PSMG4: variants seen among roughly 807,000 people sequenced by gnomAD.
The protein encoded by PSMG4 is proteasome (prosome, macropain) assembly chaperone 4.
In PSMG4, 10 loss-of-function variants were observed where a neutral mutation model predicts 11.0. The observed-to-expected ratio is 0.91, with a 90% CI of 0.56 to 1.54. The LOEUF (loss-of-function observed/expected upper bound fraction) is 1.54, where lower values mean the gene tolerates loss of function less well. PSMG4 is among the 40% of genes most tolerant of loss of function. PSMG4 has a pLI of 0.00. For synonymous variants in PSMG4, 95 were observed against 71.3 expected (o/e 1.33, Z -1.68); for missense variants, 198 against 160.9 (o/e 1.23, Z -1.25).
At chr6:3,265,709 A>G (rs1758157379) in intron 2 of PSMG4, 1 of 152,170 alleles carries the variant, frequency 6.6e-6, no homozygotes, top group Non-Finnish European at 1.5e-5. Context: ...ACAGCTAGGA[A>G]AGGATGAGGT....
upstream of PSMG4, among the ~76,000 whole-genome samples, chr6:3,255,669 T>C (rs1361518083): frequency 2.0e-5 from 3 of 152,160 alleles, no homozygotes; most frequent in East Asian, 5.8e-4. Flanking sequence ...GAGCCTTAAG[T>C]GATTTGTATG....
At chr6:3,260,262 A>G (rs1043293038) in intron 1 of PSMG4, among the ~76,000 whole-genome samples, 2 of 137,686 alleles carry the variant, frequency 1.5e-5, no homozygotes, top group African/African-American at 5.5e-5. Context: ...CTCCAGTATA[A>G]CCTTGTCTTA....
chr6:3,267,785 T>C lies in PSMG4; in HGVS notation c.*73T>C. ...TAAATAAATGGATTGAATTTCAGTTTGTCATCAGGCCGCGCTCCCGTTTTG... is the reference window on the plus strand; with the variant it reads ...TAAATAAATGGATTGAATTTCAGTTCGTCATCAGGCCGCGCTCCCGTTTTG... On this transcript the variant is annotated 3_prime_UTR_variant, in exon 3 of 3. Coordinates refer to ENST00000438998, the MANE Select transcript of PSMG4 (RefSeq NM_001128591.2). The C allele has an allele frequency of 6.9e-7, 1 of 1,459,216 alleles. No homozygotes were observed. The highest frequency in any genetic ancestry group is 2.5e-5 in the East Asian group (1 of 39,674). The allele number at this position is 1,459,216 out of a possible 1,614,324, so 90.4% of individuals were successfully genotyped here.
upstream of PSMG4, among the ~76,000 whole-genome samples, chr6:3,255,943 G>A (rs1221176528): frequency 6.6e-6 from 1 of 152,214 alleles, no homozygotes; most frequent in African/African-American, 2.4e-5. Flanking sequence ...ATGTACCTAT[G>A]GCATTATCAC....
chr6:3,257,433 C>T (rs930922830), upstream of PSMG4, among the ~76,000 whole-genome samples: 1 of 152,206 alleles, frequency 6.6e-6, no homozygotes, highest in Admixed American at 6.5e-5. Context: ...CCAGCCAGGC[C>T]TTGAACTCTC....
chr6:3,260,277 G>GTATA (rs70998384), intron 1 of PSMG4, among the ~76,000 whole-genome samples: 1 of 111,536 alleles, frequency 9.0e-6, no homozygotes, highest in Non-Finnish European at 1.6e-5. Context: ...GTCTTAAATT[G>GTATA]TATATATATA....
chr6:3,260,139 A>G (rs1352051290), intron 1 of PSMG4, among the ~76,000 whole-genome samples: 3 of 151,228 alleles, frequency 2.0e-5, no homozygotes, highest in Admixed American at 6.6e-5. Flanking sequence ...GGGTCTCACT[A>G]TTTTGCCCAG....
At chr6:3,259,513 C>T (rs1757892319) in intron 1 of PSMG4, among the ~76,000 whole-genome samples, 1 of 152,266 alleles carries the variant, frequency 6.6e-6, no homozygotes, top group Non-Finnish European at 1.5e-5. Flanking sequence ...CGTAGCTCTC[C>T]TGCCATCTGG....
At chr6:3,266,505 AG>A in intron 2 of PSMG4, 2 of 152,268 alleles carry the variant, frequency 1.3e-5, no homozygotes, top group Middle Eastern at 6.8e-3. Context: ...CGTATGGGTG[AG>A]GCTAAAGGAG....
At chr6:3,255,332 G>A, upstream of PSMG4, 1 of 1,482,084 alleles carries the variant, frequency 6.7e-7, no homozygotes, top group South Asian at 1.4e-5. Flanking sequence ...GGCAACTGGT[G>A]GAGTCATTCT....
At chr6:3,254,794 G>C (rs536826667), upstream of PSMG4, among the ~76,000 whole-genome samples, 9 of 152,058 alleles carry the variant, frequency 5.9e-5, no homozygotes, top group Admixed American at 2.0e-4. Context: ...GAATGCTTGG[G>C]GTCAGAGCAA....
chr6:3,254,663 C>G (rs4997134), upstream of PSMG4, among the ~76,000 whole-genome samples: 112,007 of 151,774 alleles, frequency 0.74, 42,707 homozygotes, highest in Non-Finnish European at 0.84. Context: ...TTTGTTCCTT[C>G]AAGCTGCGAA....
At chr6:3,258,741 G>T (rs533716274), upstream of PSMG4, among the ~76,000 whole-genome samples, 1 of 152,092 alleles carries the variant, frequency 6.6e-6, no homozygotes, top group African/African-American at 2.4e-5. Context: ...CTACTCAAGT[G>T]GGTTTCCCCA....
At chr6:3,256,368 A>AT (rs1338251818), upstream of PSMG4, among the ~76,000 whole-genome samples, 2 of 151,986 alleles carry the variant, frequency 1.3e-5, no homozygotes, top group African/African-American at 2.4e-5. Flanking sequence ...GACTCCCTTT[A>AT]TTTTCTGTTC....
rs869076629 is a variant in PSMG4, at chr6:3,260,291, A to ATTTTTTTTTTTTTTTTT, written c.174+1097_174+1113dup. ...TGTCTTAAATTGTATATATATATAT[A>ATTTTTTTTTTTTTTTTT]TTTTTTTTTTTTTTTTTTGAAGCAA... On this transcript the variant is annotated intron_variant, in intron 1 of 2. Transcript: ENST00000438998. Among the ~76,000 whole-genome samples the ATTTTTTTTTTTTTTTTT allele has an allele frequency of 4.1e-4, 29 of 70,868 alleles. 1 individual carries two copies. Among genetic ancestry groups the ATTTTTTTTTTTTTTTTT allele is most frequent in the South Asian group, 5.9e-4 (1 of 1,692 alleles). 46.5% of individuals were successfully genotyped at this position (70,868 alleles called of 152,430 possible).
chr6:3,257,625 G>C (rs992296862), upstream of PSMG4, among the ~76,000 whole-genome samples: 4 of 152,038 alleles, frequency 2.6e-5, no homozygotes, highest in African/African-American at 9.7e-5. Context: ...TTATGATGAA[G>C]GAAAGAAGCT....
At chr6:3,266,157 C>T (rs2127264762) in intron 2 of PSMG4, 1 of 152,190 alleles carries the variant, frequency 6.6e-6, no homozygotes, top group Admixed American at 6.5e-5. Context: ...TCTCCCTCTC[C>T]TCAATTTCCA....
At chr6:3,261,042 C>T (rs755469021) in intron 1 of PSMG4, among the ~76,000 whole-genome samples, 81 of 152,128 alleles carry the variant, frequency 5.3e-4, no homozygotes, top group African/African-American at 1.9e-3. Flanking sequence ...GCACCGCTCT[C>T]TAAGTCCCTG....
At chr6:3,260,953 CCTCT>C (rs1258691270) in intron 1 of PSMG4, among the ~76,000 whole-genome samples, 1 of 152,198 alleles carries the variant, frequency 6.6e-6, no homozygotes, top group African/African-American at 2.4e-5. Context: ...GCATTAGCTC[CCTCT>C]CTCAGCCGTT....
Sources: allele counts gnomAD v4.1 joint callset (sites outside exome capture counted in the v4.1 genomes callset), GRCh38; gene constraint gnomAD v4.1.1; transcripts MANE v1.5; gene names NCBI Gene and HGNC (gene_info 2026-07-23, HGNC 2026-07-21).